The following DHX32 variants were observed in gnomAD, a reference collection of about 807,000 sequenced individuals.
DHX32 encodes the protein putative pre-mRNA-splicing factor ATP-dependent RNA helicase DHX32.
In DHX32, 51 loss-of-function variants were observed where a neutral mutation model predicts 70.0. The observed-to-expected ratio is 0.73, with a 90% CI of 0.58 to 0.92. The LOEUF is 0.92. DHX32 is among the 40% of genes least tolerant of loss of function. The pLI, the probability that DHX32 is intolerant of heterozygous loss-of-function variation, is 0.00. For synonymous variants in DHX32, 310 were observed against 315.3 expected, an observed-to-expected ratio of 0.98 and a Z score of 0.18; for missense variants, 762 against 891.8, an observed-to-expected ratio of 0.85 and a Z score of 1.85.
chr10:125,865,526 C>G (rs1466143000), intron 2 of DHX32, among the ~76,000 whole-genome samples: 1 of 152,020 alleles, frequency 6.6e-6, no homozygotes, highest in East Asian at 1.9e-4. Context: ...CCGAATGAGC[C>G]CCATGGGCTT....
At chr10:125,887,664 G>T (rs796078113) in intron 1 of DHX32, among the ~76,000 whole-genome samples, 1 of 151,608 alleles carries the variant, frequency 6.6e-6, no homozygotes, top group Non-Finnish European at 1.5e-5. Flanking sequence ...TTAGAAATAG[G>T]GACAGAGTCT....
chr10:125,850,635 G>A (rs1355942399), intron 6 of DHX32, among the ~76,000 whole-genome samples: 5 of 152,148 alleles, frequency 3.3e-5, no homozygotes, highest in African/African-American at 1.2e-4. Context: ...GATTAGAGGC[G>A]TGAGCCACTG....
chr10:125,840,134 T>TA, intron 8 of DHX32, among the ~76,000 whole-genome samples: 1 of 152,362 alleles, frequency 6.6e-6, no homozygotes, highest in African/African-American at 2.4e-5. Flanking sequence ...GGAGGGACCT[T>TA]ACTGGCTGCC....
At chr10:125,864,078 C>G (rs768335991) in intron 2 of DHX32, among the ~76,000 whole-genome samples, 1 of 152,150 alleles carries the variant, frequency 6.6e-6, no homozygotes, top group Non-Finnish European at 1.5e-5. Context: ...TGCCTCCTCT[C>G]CAGAGCATGG....
chr10:125,869,874 T>A (rs1409277503), intron 1 of DHX32, among the ~76,000 whole-genome samples: 1 of 152,020 alleles, frequency 6.6e-6, no homozygotes, highest in Non-Finnish European at 1.5e-5. Flanking sequence ...GACATCATAA[T>A]AATTGAAAAG....
chr10:125,876,005 A>G (rs1390716021), intron 1 of DHX32, among the ~76,000 whole-genome samples: 1 of 152,208 alleles, frequency 6.6e-6, no homozygotes, highest in Admixed American at 6.5e-5. Context: ...TGTAAATAAC[A>G]TCACTATTAT....
chr10:125,838,166 T>TAA, intron 10 of DHX32, 40 bp downstream of exon 10: 7 of 1,350,336 alleles, frequency 5.2e-6, no homozygotes, highest in Admixed American at 5.0e-5. Flanking sequence ...AGGTATGAAT[T>TAA]AAAAAAAAAA....
intron 1 of DHX32, among the ~76,000 whole-genome samples, chr10:125,869,794 TTTG>T (rs1944245461): frequency 1.3e-5 from 2 of 152,064 alleles, no homozygotes; most frequent in Non-Finnish European, 2.9e-5. Context: ...GTGGTTTGCA[TTTG>T]TTCCCAATAC....
intron 1 of DHX32, among the ~76,000 whole-genome samples, chr10:125,891,475 C>T (rs1944370864): frequency 6.6e-6 from 1 of 152,284 alleles, no homozygotes; most frequent in African/African-American, 2.4e-5. Context: ...CACAGTGGCT[C>T]ATGCCTGGAA....
intron 6 of DHX32, among the ~76,000 whole-genome samples, chr10:125,848,348 A>G (rs1944050082): frequency 6.6e-6 from 1 of 152,192 alleles, no homozygotes; most frequent in African/African-American, 2.4e-5. Flanking sequence ...TACACTGTAC[A>G]TGGCAATTTT....
rs1854687929 is a variant in DHX32 at position 125,836,455 on chromosome 10, T to G, written c.*232A>C. 1 of 1,415,522 alleles carries G rather than the reference T, an allele frequency of 7.1e-7. No individual in the cohort carries two copies. Among genetic ancestry groups the G allele is most frequent in the Admixed American group, 3.1e-5 (1 of 31,904 alleles). The allele number at this position is 1,415,522 out of a possible 1,614,324, so 87.7% of individuals were successfully genotyped here. ...GTTTTTTAAAATTTTGGTCAAATTA[T>G]GAGTGGTTGATTTAAAAACTTTTCC... On this transcript the variant is annotated 3_prime_UTR_variant, in exon 11 of 11. Coordinates refer to ENST00000284690, the MANE Select transcript of DHX32 (RefSeq NM_018180.3).
Position 125,866,998 on chromosome 10 carries a change from T to C in DHX32, c.468A>G (p.Thr156=). 6.2e-7 allele frequency: 1 copy of C among 1,613,114 alleles called. No individual in the cohort carries two copies. The highest frequency in any genetic ancestry group is 2.2e-5 in the East Asian group (1 of 44,870). Residue 156 remains threonine (T), a synonymous_variant, in exon 2 of 11, where the codon ACA becomes ACG. Transcript: ENST00000284690. This position sits in a 1 kb window ranked among gnomAD's most constrained non-coding sequence, Gnocchi z 4.8. ...IPFENCCTNE[T]ILRYCTDDML... Reference sequence around the variant, plus strand: ...GAACCCCACAAACCAACCTCAGGATTGTTTCGTTGGTACAGCAGTTCTCGA... The same window carrying C: ...GAACCCCACAAACCAACCTCAGGATCGTTTCGTTGGTACAGCAGTTCTCGA...
chr10:125,859,701 CCTCA>C lies in DHX32; in HGVS notation c.747_750del (p.Ser249ArgfsTer27). On this transcript the variant is annotated frameshift_variant, in exon 3 of 11. Transcript: ENST00000284690. LOFTEE classifies it high-confidence loss of function. ...ATAGACTCAAAAGAATCCTTTTGAG[CCTCA>C]CTAAGGTACACAACCTCCACAGGGT... 6.2e-7 allele frequency: 1 copy of C among 1,613,888 alleles called. No homozygotes were observed. Among genetic ancestry groups the C allele is most frequent in the South Asian group, 1.1e-5 (1 of 90,982 alleles).
upstream of DHX32, among the ~76,000 whole-genome samples, chr10:125,882,542 G>C (rs1480959918): frequency 6.6e-6 from 1 of 152,202 alleles, no homozygotes. Context: ...ATGGCAGCAA[G>C]AGCAGGATAG....
At chr10:125,886,397 G>T (rs1176882549) in intron 1 of DHX32, among the ~76,000 whole-genome samples, 25 of 152,078 alleles carry the variant, frequency 1.6e-4, no homozygotes, top group Non-Finnish European at 3.1e-4. Context: ...TTCTGTTGGT[G>T]CCCTTCACTG....
rs1260908193 is a variant in DHX32 at position 125,852,527 on chromosome 10, G to C, written c.1192+16C>G. On this transcript the variant is annotated intron_variant, in intron 5 of 10. Transcript: ENST00000284690. ...CAAGAATTGACAACATTTAGTATTT[G>C]TGTCCACAGCACTACCTGAAGAAGA... 4.2e-5 allele frequency: 67 copies of C among 1,613,044 alleles called. No individual in the cohort carries two copies. Among genetic ancestry groups the C allele is most frequent in the Non-Finnish European group, 5.6e-5 (66 of 1,179,510 alleles).
At position 125,838,570 on chromosome 10, in the gene DHX32, T is replaced by C. The variant is rs1235269459; in HGVS notation, c.1882-183A>G. Among the ~76,000 whole-genome samples the C allele has an allele frequency of 2.0e-5, 3 of 152,198 alleles. No individual in the cohort carries two copies. The East Asian group carries it at 5.8e-4, about 29-fold the overall frequency. On this transcript the variant is annotated intron_variant, in intron 9 of 10. Transcript: ENST00000284690. ...CATAAGCATGTTTTGCCTAAAACTT[T>C]GAGACAGTGATGTTAACTAACTTCA...
upstream of DHX32, among the ~76,000 whole-genome samples, chr10:125,884,007 T>C (rs1944331213): frequency 6.6e-6 from 1 of 152,164 alleles, no homozygotes; most frequent in Non-Finnish European, 1.5e-5. Flanking sequence ...GACAGACACA[T>C]TTGTAAAGCT....
At chr10:125,892,518 A>G (rs4994418) in intron 1 of DHX32, among the ~76,000 whole-genome samples, 1 of 152,116 alleles carries the variant, frequency 6.6e-6, no homozygotes, top group African/African-American at 2.4e-5. Context: ...GCTAATACAC[A>G]TGAAGAAGTA....
Sources: allele counts gnomAD v4.1 joint callset (sites outside exome capture counted in the v4.1 genomes callset), GRCh38; gene constraint gnomAD v4.1.1; non-coding constraint Gnocchi (gnomAD v3.1); transcripts MANE v1.5; gene names NCBI Gene and HGNC (gene_info 2026-07-23, HGNC 2026-07-21).